ECHDC1: variants seen among roughly 807,000 people sequenced by gnomAD.
ECHDC1 encodes the protein ethylmalonyl-CoA decarboxylase 1.
In ECHDC1, 29 loss-of-function variants were observed where a neutral mutation model predicts 29.7. That is an observed-to-expected ratio of 0.98 (90% CI 0.73 to 1.33). ECHDC1 has a LOEUF of 1.33. Ranked by LOEUF, ECHDC1 falls within the 40% of genes most tolerant of loss-of-function variation. The pLI, the probability that ECHDC1 is intolerant of heterozygous loss-of-function variation, is 0.00. For missense variants in ECHDC1, 328 were observed against 350.0 expected, an observed-to-expected ratio of 0.94 and a Z score of 0.50; for synonymous variants, 126 against 123.1, an observed-to-expected ratio of 1.02 and a Z score of -0.15.
chr6:127,298,679 A>G (rs1780806797), intron 5 of ECHDC1, among the ~76,000 whole-genome samples: 1 of 152,120 alleles, frequency 6.6e-6, no homozygotes, highest in African/African-American at 2.4e-5. Flanking sequence ...GGGCTGAAAA[A>G]TTTCTATAGC....
chr6:127,320,445 AG>A, intron 3 of ECHDC1, among the ~76,000 whole-genome samples: 1 of 152,372 alleles, frequency 6.6e-6, no homozygotes, highest in South Asian at 2.1e-4. Context: ...TTGGGAGAAA[AG>A]TAACAAGGAA....
intron 5 of ECHDC1, among the ~76,000 whole-genome samples, chr6:127,310,718 A>G (rs1781830870): frequency 6.6e-6 from 1 of 152,256 alleles, no homozygotes; most frequent in African/African-American, 2.4e-5. Context: ...TTGATAAATC[A>G]ACGGCAGAAA....
chr6:127,303,065 C>G (rs1218559583), intron 5 of ECHDC1, among the ~76,000 whole-genome samples: 2 of 152,024 alleles, frequency 1.3e-5, no homozygotes, highest in Non-Finnish European at 2.9e-5. Flanking sequence ...TAGAAAATCT[C>G]TATTTGTGTG....
At chr6:127,339,856 G>C (rs1212272105) in intron 1 of ECHDC1, among the ~76,000 whole-genome samples, 1 of 152,068 alleles carries the variant, frequency 6.6e-6, no homozygotes, top group East Asian at 1.9e-4. Context: ...AACCCAGGGG[G>C]TGTGGCTACA....
At chr6:127,341,236 G>A (rs545345549) in intron 1 of ECHDC1, among the ~76,000 whole-genome samples, 2 of 152,160 alleles carry the variant, frequency 1.3e-5, no homozygotes, top group South Asian at 2.1e-4. Context: ...CACTGCTTAA[G>A]CCTGCTAGAT....
chr6:127,298,698 A>G (rs1050564876), intron 5 of ECHDC1, among the ~76,000 whole-genome samples: 7 of 152,196 alleles, frequency 4.6e-5, no homozygotes, highest in Non-Finnish European at 7.3e-5. Context: ...GCCTGGTGAC[A>G]TCATCGCCAT....
At chr6:127,321,013 G>A (rs533669581) in intron 3 of ECHDC1, among the ~76,000 whole-genome samples, 1 of 151,952 alleles carries the variant, frequency 6.6e-6, no homozygotes, top group Non-Finnish European at 1.5e-5. Context: ...CCTGTATTTT[G>A]TAGTTTACAT....
intron 1 of ECHDC1, chr6:127,342,871 T>A (rs1785079310): frequency 6.5e-6 from 1 of 153,370 alleles, no homozygotes; most frequent in Non-Finnish European, 1.5e-5. Flanking sequence ...CATCTTTCGT[T>A]CTTGAAAAGT....
At chr6:127,335,330 A>G (rs2114699875) in intron 1 of ECHDC1, among the ~76,000 whole-genome samples, 1 of 152,232 alleles carries the variant, frequency 6.6e-6, no homozygotes, top group East Asian at 1.9e-4. Context: ...TATAACTACA[A>G]TATTGAAGAT....
intron 1 of ECHDC1, among the ~76,000 whole-genome samples, chr6:127,335,397 T>G (rs903514543): frequency 6.6e-6 from 1 of 152,096 alleles, no homozygotes; most frequent in Non-Finnish European, 1.5e-5. Context: ...AGATAAATTG[T>G]GACCTAATGC....
At chr6:127,317,600 TACCTA>T (rs1173374577) in intron 3 of ECHDC1, among the ~76,000 whole-genome samples, 1 of 152,166 alleles carries the variant, frequency 6.6e-6, no homozygotes, top group East Asian at 1.9e-4. Context: ...GATGAAAATA[TACCTA>T]GAAACTCTAT....
chr6:127,299,536 C>T (rs1026870284), intron 5 of ECHDC1, among the ~76,000 whole-genome samples: 34 of 151,562 alleles, frequency 2.2e-4, no homozygotes, highest in African/African-American at 7.7e-4. Flanking sequence ...AAAATACTTT[C>T]GTTCAGCTGT....
intron 4 of ECHDC1, chr6:127,315,351 G>A (rs1782276063): frequency 3.1e-6 from 1 of 327,526 alleles, no homozygotes; most frequent in African/African-American, 2.2e-5. Context: ...TGTTACAGAA[G>A]ATAGGGCTCC....
At chr6:127,313,899 C>G (rs1782147515) in intron 5 of ECHDC1, among the ~76,000 whole-genome samples, 1 of 152,060 alleles carries the variant, frequency 6.6e-6, no homozygotes, top group Admixed American at 6.6e-5. Context: ...TTATTTAAAT[C>G]TATTTATAAA....
chr6:127,304,931 G>A (rs747559989), intron 5 of ECHDC1, among the ~76,000 whole-genome samples: 4 of 152,118 alleles, frequency 2.6e-5, no homozygotes, highest in Non-Finnish European at 1.5e-5. Context: ...TCTCAAAAGG[G>A]CAAATCTAAG....
intron 1 of ECHDC1, among the ~76,000 whole-genome samples, chr6:127,335,874 C>T (rs371678604): frequency 6.6e-6 from 1 of 152,032 alleles, no homozygotes; most frequent in African/African-American, 2.4e-5. Flanking sequence ...AAAACTCATA[C>T]AGTATAACTT....
intron 5 of ECHDC1, 61 bp from the exon 6 acceptor site, chr6:127,290,338 A>G: frequency 6.7e-7 from 1 of 1,499,976 alleles, no homozygotes; most frequent in Non-Finnish European, 9.0e-7. Context: ...ATCATAAAGT[A>G]CTATCCATTC....
At chr6:127,295,675 T>G (rs1468690934) in intron 5 of ECHDC1, among the ~76,000 whole-genome samples, 1 of 152,216 alleles carries the variant, frequency 6.6e-6, no homozygotes, top group South Asian at 2.1e-4. Flanking sequence ...TAATATAAAT[T>G]AGTAGAATCT....
In ECHDC1 at chr6:127,290,157, C is replaced by T. The variant is rs1204890150; in HGVS notation, c.618G>A (p.Leu206=). 14 of 1,613,630 alleles carry T rather than the reference C, an allele frequency of 8.7e-6. No homozygotes were observed. The highest frequency in any genetic ancestry group is 1.2e-5 in the Non-Finnish European group (14 of 1,179,798). ...TTGAATCCAGTTTAAGGGCCCCACT[C>T]AACACTTTGAGAGCTTGTCTACTTC... ...IIGSRQALKV[L]SGALKLDSKN... Residue 206 remains leucine (L), a synonymous_variant, in exon 6 of 6, where the codon TTG becomes TTA. Transcript: ENST00000454859.
Sources: gnomAD v4.1 joint callset for allele counts (sites outside exome capture counted in the v4.1 genomes callset) on GRCh38, gnomAD v4.1.1 for gene constraint, MANE v1.5 for transcripts, NCBI Gene and HGNC (gene_info 2026-07-23, HGNC 2026-07-21) for gene names.